DIP2A: variants seen among roughly 807,000 people sequenced by gnomAD.
DIP2A encodes the protein disco-interacting protein 2 homolog A.
A neutral mutation model predicts 177.4 loss-of-function variants in DIP2A; 85 were observed. The ratio of observed to expected loss-of-function variants is 0.48; its 90% CI spans 0.40 to 0.57. The LOEUF is 0.57. Among genes scored for constraint, DIP2A ranks in the 20% least tolerant of loss-of-function variants. The pLI is 0.00. For synonymous variants in DIP2A, 886 were observed against 881.8 expected, an observed-to-expected ratio of 1.00 and a Z score of -0.08; for missense variants, 1,791 against 2,100.2, an observed-to-expected ratio of 0.85 and a Z score of 2.88.
At chr21:46,514,349 C>T (rs7283381) in intron 8 of DIP2A, among the ~76,000 whole-genome samples, 126,614 of 151,490 alleles carry the variant, frequency 0.84, 53,230 homozygotes, top group African/African-American at 0.92. Context: ...GGCAGGAGAA[C>T]GGCATGAACC....
chr21:46,546,907 TC>T lies in DIP2A; in HGVS notation c.2395-5del. On this transcript the variant is annotated splice_polypyrimidine_tract_variant and splice_region_variant and intron_variant, in intron 20 of 37. Coordinates refer to ENST00000417564, the MANE Select transcript of DIP2A (RefSeq NM_015151.4). ...GGGTGGAGTCTTGACGCACACCCTT[TC>T]CCTCAGGACAACCTGGTCTTCATCG... 6.2e-7 allele frequency: 1 copy of T among 1,613,624 alleles called. No individual in the cohort carries two copies. Among genetic ancestry groups the T allele is most frequent in the Non-Finnish European group, 8.5e-7 (1 of 1,179,702 alleles).
intron 8 of DIP2A, among the ~76,000 whole-genome samples, chr21:46,517,054 C>CT (rs71318086): frequency 0.15 from 9,096 of 60,930 alleles, 2,362 homozygotes; most frequent in East Asian, 0.3. Flanking sequence ...TTTTCTCTCT[C>CT]TTTTTTTTTT....
chr21:46,554,851 G>A lies in DIP2A; in HGVS notation c.3306G>A (p.Thr1102=), dbSNP rs1014464391. 19 of 1,412,528 alleles carry A rather than the reference G, an allele frequency of 1.3e-5. No homozygotes were observed. The highest frequency in any genetic ancestry group is 6.7e-5 in the East Asian group (2 of 30,018). The allele number at this position is 1,412,528 out of a possible 1,614,324, so 87.5% of individuals were successfully genotyped here. The change falls in exon 28 of 38, where the codon ACG becomes ACA. Residue 1102 remains threonine (T), a synonymous_variant. Transcript: ENST00000417564. ...GCAAGTCTGCATGCGTCCTCACCAC[G>A]CAGGCTGTCACACGGCTGCTCAGGT... ...EVSKSACVLT[T]QAVTRLLRSK... is the part of the protein sequence containing the mutation.
the DIP2A span, among the ~76,000 whole-genome samples, chr21:46,581,865 G>C: frequency 3.3e-5 from 5 of 152,104 alleles, no homozygotes; most frequent in South Asian, 1.0e-3. Flanking sequence ...TGGTGGGAAC[G>C]CTCCCGTATA....
chr21:46,545,816 T>A (rs2060008622), intron 19 of DIP2A, 65 bp from the exon 20 acceptor site: 3 of 1,581,854 alleles, frequency 1.9e-6, no homozygotes, highest in African/African-American at 1.3e-5. Flanking sequence ...TGCCGCCTGC[T>A]GGGTCTTTTT....
In DIP2A at chr21:46,566,006, T is replaced by TGG. The variant is rs10641570; in HGVS notation, c.4339+124_4339+125dup. The TGG allele has an allele frequency of 0.023, 27,016 of 1,199,574 alleles. 2,304 individuals carry two copies. The African/African-American group carries it at 0.24, about 11-fold the overall frequency. 74.3% of individuals were successfully genotyped at this position (1,199,574 alleles called of 1,614,324 possible). A position where few individuals can be genotyped will look rare whatever the true frequency, so the allele number is the denominator to read the frequency against. On this transcript the variant is annotated intron_variant, in intron 36 of 37. Transcript: ENST00000417564. ...TGCTGTGGTCTGGTATTGCTCCTTG[T>TGG]GGGGGGAAGATGTTCTGACAGCAGT...
chr21:46,571,780 C>T (rs1317092679), downstream of DIP2A, among the ~76,000 whole-genome samples: 3 of 152,222 alleles, frequency 2.0e-5, no homozygotes, highest in South Asian at 2.1e-4. Flanking sequence ...AGTTGCTTAT[C>T]AGAGTAAGGA....
At position 46,555,972 on chromosome 21, in the gene DIP2A, T is replaced by C; in HGVS notation, c.3389-10T>C. On this transcript the variant is annotated splice_polypyrimidine_tract_variant and intron_variant, in intron 28 of 37. Transcript: ENST00000417564. ...GAACACTAATGTTGCTGGTGTCTCC[T>C]GTTTAACAGATGACATCCCAAAAAA... 1 of 1,601,120 alleles carries C rather than the reference T, an allele frequency of 6.2e-7. No individual in the cohort carries two copies.
intron 22 of DIP2A, 61 bp from the exon 23 acceptor site, chr21:46,550,481 CA>C (rs1569093806): frequency 8.6e-6 from 13 of 1,516,912 alleles, no homozygotes; most frequent in Non-Finnish European, 1.2e-5. Context: ...TCCTGTCCCC[CA>C]CCCAGCATCT....
At chr21:46,519,182 G>A (rs1732023982) in intron 8 of DIP2A, among the ~76,000 whole-genome samples, 1 of 152,172 alleles carries the variant, frequency 6.6e-6, no homozygotes, top group Admixed American at 6.5e-5. Flanking sequence ...AATGAGCAGT[G>A]AGTTCAACCA....
intron 21 of DIP2A, 34 bp downstream of exon 21, chr21:46,547,076 A>T: frequency 3.7e-6 from 6 of 1,600,796 alleles, no homozygotes; most frequent in Non-Finnish European, 5.1e-6. Flanking sequence ...CCGGGAGTAG[A>T]TTCCTTCATT....
At chr21:46,578,279 T>C in the DIP2A span, among the ~76,000 whole-genome samples, 1 of 152,120 alleles carries the variant, frequency 6.6e-6, no homozygotes, top group Non-Finnish European at 1.5e-5. Flanking sequence ...GCCACTGCAC[T>C]CCAGCCTGGC....
chr21:46,482,392 G>A (rs528956114), intron 1 of DIP2A, among the ~76,000 whole-genome samples: 4 of 152,258 alleles, frequency 2.6e-5, no homozygotes, highest in South Asian at 4.1e-4. Context: ...CATTACTCAC[G>A]TGTTTGTGGT....
rs2059821675 is a variant in DIP2A at position 46,541,637 on chromosome 21, C to G, written c.2037-119C>G. On this transcript the variant is annotated intron_variant, in intron 17 of 37. Transcript: ENST00000417564. ...GCATCTTTAGAACATGCGTTTCTCA[C>G]AAGTCTGTAACATGGAGCAGTGGCT... The G allele has an allele frequency of 5.0e-6, 6 of 1,210,388 alleles. No individual in the cohort carries two copies. The Admixed American group carries it at 1.1e-4, about 23-fold the overall frequency. The allele number at this position is 1,210,388 out of a possible 1,614,324, so 75.0% of individuals were successfully genotyped here.
chr21:46,506,846 G>A (rs2058040116), intron 6 of DIP2A, among the ~76,000 whole-genome samples: 1 of 129,692 alleles, frequency 7.7e-6, no homozygotes, highest in South Asian at 2.6e-4. Flanking sequence ...CTGTCACCCA[G>A]GCAGAGTGCA....
At chr21:46,540,283 C>T (rs2059759165) in intron 17 of DIP2A, among the ~76,000 whole-genome samples, 1 of 152,148 alleles carries the variant, frequency 6.6e-6, no homozygotes, top group South Asian at 2.1e-4. Flanking sequence ...AACATTACAA[C>T]CTAGGAACTC....
At chr21:46,522,494 A>G (rs2058865404) in intron 8 of DIP2A, among the ~76,000 whole-genome samples, 1 of 152,222 alleles carries the variant, frequency 6.6e-6, no homozygotes, top group African/African-American at 2.4e-5. Flanking sequence ...TGGATCCTCA[A>G]AAAGGGAATC....
chr21:46,499,764 A>G (rs955501509), intron 5 of DIP2A, among the ~76,000 whole-genome samples: 16 of 152,190 alleles, frequency 1.1e-4, no homozygotes, highest in African/African-American at 3.6e-4. Flanking sequence ...TTAAAATACA[A>G]TCAGTATTGT....
chr21:46,561,004 T>G (rs2060644343), intron 33 of DIP2A: 2 of 985,298 alleles, frequency 2.0e-6, no homozygotes, highest in African/African-American at 3.5e-5. Context: ...ACTCCGGGCG[T>G]GCCTCCCAGG....
Sources: allele counts gnomAD v4.1 joint callset (sites outside exome capture counted in the v4.1 genomes callset), GRCh38; gene constraint gnomAD v4.1.1; transcripts MANE v1.5; gene names NCBI Gene and HGNC (gene_info 2026-07-23, HGNC 2026-07-21).